ITSN1: variants seen among roughly 807,000 people sequenced by gnomAD.
ITSN1 encodes intersectin 1, also known as intersectin-1.
In ITSN1, 58 loss-of-function variants were observed where a neutral mutation model predicts 239.8. The observed-to-expected ratio is 0.24, with a 90% CI of 0.20 to 0.30. The LOEUF (loss-of-function observed/expected upper bound fraction) is 0.30. Among genes scored for constraint, ITSN1 ranks in the 10% least tolerant of loss-of-function variants. The pLI is 1.00. For missense variants in ITSN1, 1,558 were observed against 2,103.3 expected (o/e 0.74, Z 5.07); for synonymous variants, 780 against 770.8 (o/e 1.01, Z -0.20).
chr21:33,864,163 A>G (rs2268257), intron 31 of ITSN1, among the ~76,000 whole-genome samples: 38,387 of 152,136 alleles, frequency 0.25, 5,856 homozygotes, highest in East Asian at 0.44. Context: ...GGCTTCTCCA[A>G]CATGACCATG....
chr21:33,761,691 A>G (rs530860762), intron 8 of ITSN1, among the ~76,000 whole-genome samples: 1 of 152,314 alleles, frequency 6.6e-6, no homozygotes, highest in South Asian at 2.1e-4. Context: ...TTTATCAAAC[A>G]TCCATTTAAC....
chr21:33,876,155 C>T (rs868375235), intron 34 of ITSN1, among the ~76,000 whole-genome samples: 1 of 114,594 alleles, frequency 8.7e-6, no homozygotes, highest in Admixed American at 1.0e-4. Flanking sequence ...CTTTCTTTCT[C>T]TCTCTCCCTC....
At chr21:33,791,677 A>G (rs2071145141) in intron 16 of ITSN1, among the ~76,000 whole-genome samples, 2 of 152,220 alleles carry the variant, frequency 1.3e-5, no homozygotes, top group African/African-American at 4.8e-5. Flanking sequence ...CCTAGTATAG[A>G]AAGGAAATGT....
In ITSN1 at chr21:33,865,136, C is replaced by T. The variant is rs761006884; in HGVS notation, c.3891-15C>T. The stretch of plus-strand genomic sequence containing the variant: ...GCGTGAAAGCAGGGGGCTCACCTCC[C>T]GTGTTTCCGTGCAGAGCGCTGAGAG... On this transcript the variant is annotated splice_polypyrimidine_tract_variant and intron_variant, in intron 31 of 39. Coordinates refer to ENST00000381318, the MANE Select transcript of ITSN1 (RefSeq NM_003024.3). This position sits in a 1 kb window ranked among gnomAD's most constrained non-coding sequence, Gnocchi z 4.4. 3.7e-5 allele frequency: 59 copies of T among 1,604,858 alleles called. No homozygotes were observed. The highest frequency in any genetic ancestry group is 1.1e-4 in the African/African-American group (8 of 74,718).
intron 19 of ITSN1, among the ~76,000 whole-genome samples, chr21:33,800,566 T>A (rs1274459104): frequency 1.3e-5 from 2 of 152,196 alleles, no homozygotes; most frequent in African/African-American, 4.8e-5. Flanking sequence ...TCTGCTTTCC[T>A]ACTTTGTAAC....
Position 33,721,213 on chromosome 21 carries a change from A to C in ITSN1, c.64A>C (p.Arg22=). Residue 22 remains arginine, a synonymous_variant, in exon 3 of 40, where the codon AGA becomes CGA. Coordinates refer to ENST00000381318, the MANE Select transcript of ITSN1 (RefSeq NM_003024.3). ...LDIWAITVEE[R]AKHDQQFHSL... ...TATCTGGGCCATAACTGTAGAGGAA[A>C]GAGCGAAGCATGATCAGCAGTTCCA... is the stretch of plus-strand genomic sequence containing the variant. 1 of 1,613,654 alleles carries C rather than the reference A, an allele frequency of 6.2e-7. No homozygotes were observed.
At chr21:33,713,004 A>T (rs1414919663) in intron 1 of ITSN1, among the ~76,000 whole-genome samples, 1 of 151,690 alleles carries the variant, frequency 6.6e-6, no homozygotes, top group Non-Finnish European at 1.5e-5. Context: ...CACCCTCCTG[A>T]GTAGCTGGGA....
intron 9 of ITSN1, among the ~76,000 whole-genome samples, chr21:33,765,227 A>G (rs1354994485): frequency 4.6e-5 from 7 of 152,238 alleles, no homozygotes; most frequent in East Asian, 1.9e-4. Context: ...ATTTAACAAT[A>G]TAGAGCTGGG....
At chr21:33,801,652 CAG>C (rs1236199965) in intron 19 of ITSN1, among the ~76,000 whole-genome samples, 2 of 152,072 alleles carry the variant, frequency 1.3e-5, no homozygotes, top group East Asian at 3.9e-4. Context: ...TTTGTAGAGA[CAG>C]AGTCTCCCTA....
chr21:33,819,264 G>A lies in ITSN1; in HGVS notation c.2957G>A (p.Ser986Asn), dbSNP rs758150653. 7.4e-6 allele frequency: 12 copies of A among 1,613,856 alleles called. 1 individual carries two copies. In the South Asian group the frequency reaches 1.3e-4, roughly 18 times the overall value. ...STSMDSGSSE[S>N]PASLKRVASP... is the part of the protein sequence containing the mutation. ...AGCATGGATTCTGGTTCTTCAGAGA[G>A]TCCTGCTAGTCTAAAGCGAGTAGCC... The change falls in exon 24 of 40, where the codon AGT becomes AAT. Residue 986 changes from serine to asparagine, a missense_variant. Ser to Asn is a conservative substitution (Grantham distance 46). Coordinates refer to ENST00000381318, the MANE Select transcript of ITSN1 (RefSeq NM_003024.3).
intron 31 of ITSN1, among the ~76,000 whole-genome samples, chr21:33,862,050 C>T (rs1327636723): frequency 8.6e-6 from 1 of 116,228 alleles, no homozygotes; most frequent in Non-Finnish European, 1.7e-5. Context: ...GTAATACAAA[C>T]TACTCAGGAG....
rs766997437 is a variant in ITSN1, at chr21:33,772,273, C to A, written c.1255C>A (p.Leu419Ile). 15 of 1,580,874 alleles carry A rather than the reference C, an allele frequency of 9.5e-6. No individual in the cohort carries two copies. The East Asian group carries it at 3.2e-4, about 34-fold the overall frequency. Residue 419 changes from leucine to isoleucine, a missense_variant, in exon 12 of 40, where the codon CTA becomes ATA. Physicochemically the swap from Leu to Ile is conservative, Grantham distance 5. Transcript: ENST00000381318. ...LEKQLEKQRELERQREEERRK... is the reference protein window; with the variant it reads ...LEKQLEKQREIERQREEERRK... ...GAAGCAACTGGAAAAGCAGCGGGAG[C>A]TAGAACGGCAGAGAGAGGAGGAGAG...
rs990124092 is a variant in ITSN1 at position 33,781,998 on chromosome 21, T to C, written c.1689T>C (p.Asp563=). ...TGCGACGTTTTTCTAAAATAGGAGA[T>C]TCACTTGTTACACTTAAAAGAGCCT... ...KQVQQNSLHR[D]SLVTLKRALE... is the part of the protein sequence containing the mutation. Residue 563 remains aspartate (D), a synonymous_variant, in exon 16 of 40, where the codon GAT becomes GAC. Transcript: ENST00000381318. 1 of 1,589,458 alleles carries C rather than the reference T, an allele frequency of 6.3e-7. No individual in the cohort carries two copies. The highest frequency in any genetic ancestry group is 8.5e-7 in the Non-Finnish European group (1 of 1,173,044).
intron 30 of ITSN1, among the ~76,000 whole-genome samples, chr21:33,858,049 T>G (rs540634648): frequency 6.6e-4 from 100 of 152,248 alleles, no homozygotes; most frequent in African/African-American, 2.4e-3. Flanking sequence ...AGATCTGTGA[T>G]TTACTGAGAG....
At chr21:33,647,610 C>T (rs532043293) in intron 1 of ITSN1, among the ~76,000 whole-genome samples, 1 of 152,168 alleles carries the variant, frequency 6.6e-6, no homozygotes, top group South Asian at 2.1e-4. Flanking sequence ...AATCTCTTGC[C>T]TTAGCCTCCT....
At chr21:33,738,609 C>G (rs2066649098) in intron 5 of ITSN1, among the ~76,000 whole-genome samples, 1 of 152,098 alleles carries the variant, frequency 6.6e-6, no homozygotes. Flanking sequence ...ACCATCTTGG[C>G]CAGGCTGGTC....
intron 1 of ITSN1, among the ~76,000 whole-genome samples, chr21:33,717,818 T>C (rs1411570704): frequency 2.6e-5 from 4 of 152,086 alleles, no homozygotes; most frequent in South Asian, 4.2e-4. Flanking sequence ...CCGCCCGCCT[T>C]GGCCTCCCAA....
Position 33,772,319 on chromosome 21 carries a change from G to A in ITSN1, c.1301G>A (p.Arg434Gln). 3.2e-6 allele frequency: 5 copies of A among 1,552,636 alleles called. No individual in the cohort carries two copies. Among genetic ancestry groups the A allele is most frequent in the Non-Finnish European group, 4.4e-6 (5 of 1,147,596 alleles). Residue 434 changes from arginine to glutamine, a missense_variant, in exon 12 of 40, where the codon CGA becomes CAA. Arg to Gln is a conservative substitution (Grantham distance 43). Coordinates refer to ENST00000381318, the MANE Select transcript of ITSN1 (RefSeq NM_003024.3). ...GAGAGGAGGAAAGAAATTGAGAGGCGAGAGGTAAGCAGGCGAGAGTGGAGC... is the reference window on the plus strand; with the variant it reads ...GAGAGGAGGAAAGAAATTGAGAGGCAAGAGGTAAGCAGGCGAGAGTGGAGC... Reference protein sequence around the residue: ...EEERRKEIERREAAKRELERQ... With the variant: ...EEERRKEIERQEAAKRELERQ...
At position 33,883,683 on chromosome 21, in the gene ITSN1, C is replaced by T. The variant is rs199930849; in HGVS notation, c.4676+12C>T. Reference sequence around the variant, plus strand: ...AGCATAAATGAAAGGTGAGACCTGCCGCCTCCCCAGCATGGGCCCCAGGGC... The same window carrying T: ...AGCATAAATGAAAGGTGAGACCTGCTGCCTCCCCAGCATGGGCCCCAGGGC... On this transcript the variant is annotated intron_variant, in intron 36 of 39. Coordinates refer to ENST00000381318, the MANE Select transcript of ITSN1 (RefSeq NM_003024.3). 850 of 1,611,488 alleles carry T rather than the reference C, an allele frequency of 5.3e-4. 6 individuals carry two copies. The African/African-American group carries it at 9.1e-3, about 17-fold the overall frequency.
Sources: allele counts gnomAD v4.1 joint callset (sites outside exome capture counted in the v4.1 genomes callset), GRCh38; gene constraint gnomAD v4.1.1; non-coding constraint Gnocchi (gnomAD v3.1); transcripts MANE v1.5; gene names NCBI Gene and HGNC (gene_info 2026-07-23, HGNC 2026-07-21).